The following RNF166 variants were observed in gnomAD, a reference collection of about 807,000 sequenced individuals.
RNF166 encodes the protein ring finger protein 166, also known as E3 ubiquitin-protein ligase RNF166.
A neutral mutation model predicts 29.4 loss-of-function variants in RNF166; 19 were observed. The observed-to-expected ratio is 0.65, with a 90% CI of 0.45 to 0.95. The LOEUF (loss-of-function observed/expected upper bound fraction) is 0.95, where lower values mean the gene tolerates loss of function less well. Among genes scored for constraint, RNF166 ranks in the 40% least tolerant of loss-of-function variants. The pLI is 0.00. For synonymous variants in RNF166, 171 were observed against 134.5 expected, an observed-to-expected ratio of 1.27 and a Z score of -1.88; for missense variants, 347 against 322.1, an observed-to-expected ratio of 1.08 and a Z score of -0.59.
At chr16:88,706,079 C>T (rs1478333841) in intron 1 of RNF166, 92 bp downstream of exon 1, 1 of 879,022 alleles carries the variant, frequency 1.1e-6, no homozygotes, top group South Asian at 5.2e-5. Context: ...CGCGCCCAGT[C>T]CGGAGCTGCA....
At chr16:88,700,751 C>A in intron 2 of RNF166, 1 of 995,684 alleles carries the variant, frequency 1.0e-6, no homozygotes, top group Non-Finnish European at 1.2e-6. Flanking sequence ...ACATGGGGGC[C>A]AATGAGGCCC....
chr16:88,699,201 TGG>T, intron 3 of RNF166, 116 bp from the exon 4 acceptor site: 1 of 771,222 alleles, frequency 1.3e-6, no homozygotes, highest in South Asian at 1.6e-5. Flanking sequence ...TGCAAGAGCG[TGG>T]CAGTGGCTGG....
rs1909677129 is a variant in RNF166, at chr16:88,696,778, G to A, written c.*790C>T. On this transcript the variant is annotated 3_prime_UTR_variant, in exon 6 of 6. Transcript: ENST00000312838. ...GGAGCAGCCACAGCCTGTGGCTGGG[G>A]TGCTGGGATTTCTTCCTGGTCATCA... The A allele has an allele frequency of 2.7e-6, 1 of 370,384 alleles. No homozygotes were observed. The highest frequency in any genetic ancestry group is 5.2e-6 in the Non-Finnish European group (1 of 190,502). 22.9% of individuals were successfully genotyped at this position (370,384 alleles called of 1,614,324 possible).
intron 4 of RNF166, 58 bp from the exon 5 acceptor site, chr16:88,698,667 G>A (rs1030788614): frequency 2.3e-6 from 3 of 1,325,180 alleles, no homozygotes; most frequent in East Asian, 2.5e-5. Flanking sequence ...GGTAGCCGCA[G>A]TAGGACTGGG....
At chr16:88,701,103 G>A (rs1910172443) in intron 2 of RNF166, among the ~76,000 whole-genome samples, 159 bp downstream of exon 2, 1 of 152,250 alleles carries the variant, frequency 6.6e-6, no homozygotes, top group Admixed American at 6.5e-5. Flanking sequence ...GACGGGAGGG[G>A]AGGGAGGCGC....
At chr16:88,703,407 G>A in intron 1 of RNF166, 1 of 985,518 alleles carries the variant, frequency 1.0e-6, no homozygotes, top group Non-Finnish European at 1.2e-6. Context: ...GGGAAGAGAG[G>A]AAAGGTGCCC....
At chr16:88,700,754 T>C in intron 2 of RNF166, 4 of 995,488 alleles carry the variant, frequency 4.0e-6, no homozygotes, top group Non-Finnish European at 4.8e-6. Context: ...TGGGGGCCAA[T>C]GAGGCCCATG....
intron 1 of RNF166, among the ~76,000 whole-genome samples, chr16:88,704,939 G>A (rs1181588449): frequency 6.6e-6 from 1 of 152,202 alleles, no homozygotes; most frequent in Non-Finnish European, 1.5e-5. Context: ...GCGGTGAGCC[G>A]AGATGGCGCC....
At chr16:88,699,231 G>C in intron 3 of RNF166, 146 bp from the exon 4 acceptor site, 1 of 675,192 alleles carries the variant, frequency 1.5e-6, no homozygotes, top group Non-Finnish European at 2.6e-6. Flanking sequence ...CCGTGCCTCT[G>C]CACGCCATGG....
At chr16:88,698,095 G>T in intron 5 of RNF166, 1 of 579,784 alleles carries the variant, frequency 1.7e-6, no homozygotes, top group Non-Finnish European at 3.1e-6. Context: ...GGGTCTGCAG[G>T]CCCGGGGGCC....
chr16:88,701,060 C>A lies in RNF166; in HGVS notation c.312+202G>T, dbSNP rs4782425. 5.3e-6 allele frequency: 7 copies of A among 1,327,482 alleles called. No individual in the cohort carries two copies. In the South Asian group the frequency reaches 9.1e-5, roughly 17 times the overall value. 82.2% of individuals were successfully genotyped at this position (1,327,482 alleles called of 1,614,324 possible). A position where few individuals can be genotyped will look rare whatever the true frequency, so the allele number is the denominator to read the frequency against. Reference sequence around the variant, plus strand: ...GCTACCCCCACCGGGCTGGCCCCCCCGTCAGCCGTCACCACAGGAAGTGAG... The same window carrying A: ...GCTACCCCCACCGGGCTGGCCCCCCAGTCAGCCGTCACCACAGGAAGTGAG... On this transcript the variant is annotated intron_variant, in intron 2 of 5. Transcript: ENST00000312838.
chr16:88,700,698 A>G (rs938429622), intron 2 of RNF166: 2 of 987,450 alleles, frequency 2.0e-6, no homozygotes, highest in East Asian at 2.3e-4. Flanking sequence ...CGGATGTGCC[A>G]GGGAGGGCCA....
intron 4 of RNF166, 54 bp downstream of exon 4, chr16:88,698,917 G>A: frequency 7.4e-7 from 1 of 1,353,028 alleles, no homozygotes; most frequent in Non-Finnish European, 1.0e-6. Context: ...GCCTTGTACT[G>A]TCCCCCACAG....
chr16:88,699,223 G>A (rs1019753654), intron 3 of RNF166, 138 bp from the exon 4 acceptor site: 20 of 697,640 alleles, frequency 2.9e-5, no homozygotes, highest in South Asian at 2.0e-4. Context: ...GGTGCCCCCC[G>A]TGCCTCTGCA....
In RNF166 at chr16:88,701,426, G is replaced by T; in HGVS notation, c.156-8C>A. 6.4e-7 allele frequency: 1 copy of T among 1,568,602 alleles called. No homozygotes were observed. The stretch of plus-strand genomic sequence containing the variant: ...AGACACTCCCCGCAGAACCTGCAGG[G>T]CACAGGGGCCTGAGTGCCAGCCCGC... On this transcript the variant is annotated splice_region_variant and splice_polypyrimidine_tract_variant and intron_variant, in intron 1 of 5. Coordinates refer to ENST00000312838, the MANE Select transcript of RNF166 (RefSeq NM_178841.4).
chr16:88,704,607 T>G, intron 1 of RNF166: 1 of 970,922 alleles, frequency 1.0e-6, no homozygotes. Context: ...GAGGCTTTTC[T>G]AAAACAAGGC....
At position 88,702,092 on chromosome 16, in the gene RNF166, C is replaced by T. The variant is rs557167125; in HGVS notation, c.156-674G>A. On this transcript the variant is annotated intron_variant, in intron 1 of 5. Transcript: ENST00000312838. ...CACCACATCGTGAGGACAGACTGAG[C>T]GTCCCACAGCCCCGTGCGCACTCCG... Among the ~76,000 whole-genome samples the T allele has an allele frequency of 1.4e-4, 21 of 152,282 alleles. No individual in the cohort carries two copies. In the East Asian group the frequency reaches 1.5e-3, roughly 11 times the overall value.
Position 88,697,484 on chromosome 16 carries a change from G to A in RNF166, c.*84C>T, listed in dbSNP as rs1597399957. The A allele has an allele frequency of 4.0e-6, 4 of 1,004,386 alleles. No homozygotes were observed. The allele number at this position is 1,004,386 out of a possible 1,614,324, so 62.2% of individuals were successfully genotyped here. On this transcript the variant is annotated 3_prime_UTR_variant, in exon 6 of 6. Transcript: ENST00000312838. ...CCTCCTGTGAGCTCAGTCCGGTGAGGTGCGCTCCCGAGCAGGTGCCAGGTG... is the reference window on the plus strand; with the variant it reads ...CCTCCTGTGAGCTCAGTCCGGTGAGATGCGCTCCCGAGCAGGTGCCAGGTG...
intron 5 of RNF166, chr16:88,697,889 A>G (rs1221037877): frequency 2.0e-6 from 1 of 495,796 alleles, no homozygotes; most frequent in East Asian, 3.5e-5. Context: ...TCGGACTCTA[A>G]GCCCGGGGTT....
Sources: allele counts gnomAD v4.1 joint callset (sites outside exome capture counted in the v4.1 genomes callset), GRCh38; gene constraint gnomAD v4.1.1; transcripts MANE v1.5; gene names NCBI Gene and HGNC (gene_info 2026-07-23, HGNC 2026-07-21).